YAP1: variants seen among roughly 807,000 people sequenced by gnomAD.
The protein encoded by YAP1 is transcriptional coactivator YAP1.
In YAP1, 5 loss-of-function variants were observed where a neutral mutation model predicts 56.9. That is an observed-to-expected ratio of 0.09 (90% CI 0.05 to 0.18). The LOEUF (loss-of-function observed/expected upper bound fraction) is 0.18, where lower values mean the gene tolerates loss of function less well. Among genes scored for constraint, YAP1 ranks in the 10% least tolerant of loss-of-function variants. The pLI is 1.00. For synonymous variants in YAP1, 265 were observed against 248.1 expected, an observed-to-expected ratio of 1.07 and a Z score of -0.64; for missense variants, 539 against 651.8, an observed-to-expected ratio of 0.83 and a Z score of 1.88.
At chr11:102,111,678 G>T (rs1942928999) in intron 1 of YAP1, among the ~76,000 whole-genome samples, 1 of 152,184 alleles carries the variant, frequency 6.6e-6, no homozygotes. Context: ...GTGAAGTTGA[G>T]CCCTGGGCCC....
chr11:102,155,694 A>G (rs570112084), intron 2 of YAP1, among the ~76,000 whole-genome samples: 1 of 152,300 alleles, frequency 6.6e-6, no homozygotes, highest in East Asian at 1.9e-4. Context: ...CCTTTGGGAA[A>G]TGTTTCCCTC....
intron 3 of YAP1, among the ~76,000 whole-genome samples, chr11:102,177,131 G>A: frequency 6.6e-6 from 1 of 152,190 alleles, no homozygotes; most frequent in East Asian, 1.9e-4. Flanking sequence ...GGAGCTGGGA[G>A]AGGAGATGTT....
chr11:102,112,589 C>G (rs1943022234), intron 1 of YAP1: 1 of 985,162 alleles, frequency 1.0e-6, no homozygotes, highest in African/African-American at 1.7e-5. Context: ...CATTCCCTCT[C>G]CTATTTGCAG....
intron 5 of YAP1, among the ~76,000 whole-genome samples, chr11:102,207,534 A>C (rs1474346228): frequency 6.6e-6 from 1 of 152,098 alleles, no homozygotes; most frequent in East Asian, 1.9e-4. Flanking sequence ...TCTTAAAAAA[A>C]AAAAAAGCTC....
intron 6 of YAP1, among the ~76,000 whole-genome samples, chr11:102,218,400 T>C (rs947750824): frequency 6.6e-6 from 1 of 152,266 alleles, no homozygotes; most frequent in Non-Finnish European, 1.5e-5. Context: ...TACACTGTTA[T>C]AACTGTGTTG....
At chr11:102,136,131 T>A (rs961058134) in intron 2 of YAP1, among the ~76,000 whole-genome samples, 2 of 152,318 alleles carry the variant, frequency 1.3e-5, no homozygotes, top group South Asian at 4.1e-4. Flanking sequence ...GTCTTCTGTG[T>A]TTATATTAGT....
At chr11:102,113,479 T>C (rs767284697) in intron 1 of YAP1, among the ~76,000 whole-genome samples, 18 of 152,200 alleles carry the variant, frequency 1.2e-4, no homozygotes, top group Non-Finnish European at 2.4e-4. Context: ...TGTGAGTTCT[T>C]AAGTTAAAAT....
At chr11:102,172,859 A>G (rs1946997443) in intron 3 of YAP1, among the ~76,000 whole-genome samples, 2 of 152,120 alleles carry the variant, frequency 1.3e-5, no homozygotes, top group Admixed American at 1.3e-4. Flanking sequence ...AGCCATGTGA[A>G]TATCTGGGGA....
chr11:102,205,863 G>A (rs1414791183), intron 4 of YAP1, 30 bp from the exon 5 acceptor site: 1 of 1,471,338 alleles, frequency 6.8e-7, no homozygotes, highest in Admixed American at 2.4e-5. Flanking sequence ...TAGTTTTTTA[G>A]GACAGATTTT....
At chr11:102,158,381 G>A (rs538567476) in intron 2 of YAP1, among the ~76,000 whole-genome samples, 4 of 152,204 alleles carry the variant, frequency 2.6e-5, no homozygotes, top group East Asian at 3.9e-4. Context: ...GGCATATGTC[G>A]TTCTTAAAAC....
At chr11:102,204,000 A>G (rs959182786) in intron 4 of YAP1, among the ~76,000 whole-genome samples, 4 of 152,060 alleles carry the variant, frequency 2.6e-5, no homozygotes, top group African/African-American at 9.7e-5. Flanking sequence ...AGCTGAGAAG[A>G]TTGGATTGAA....
At chr11:102,115,747 C>T (rs1565419072) in intron 2 of YAP1, among the ~76,000 whole-genome samples, 1 of 152,160 alleles carries the variant, frequency 6.6e-6, no homozygotes, top group Non-Finnish European at 1.5e-5. Context: ...TGTTCTCAAG[C>T]AGACATCCAA....
chr11:102,147,091 T>C (rs984141575), intron 2 of YAP1, among the ~76,000 whole-genome samples: 1 of 152,200 alleles, frequency 6.6e-6, no homozygotes, highest in Admixed American at 6.5e-5. Context: ...AAAGCTAGGG[T>C]ACAGTTCAGC....
chr11:102,120,224 C>T (rs750849003), intron 2 of YAP1, among the ~76,000 whole-genome samples: 1 of 152,212 alleles, frequency 6.6e-6, no homozygotes, highest in Non-Finnish European at 1.5e-5. Flanking sequence ...CTTTTATTTA[C>T]GTAGGGCTTG....
intron 2 of YAP1, among the ~76,000 whole-genome samples, chr11:102,134,982 G>A (rs1293291464): frequency 2.0e-5 from 3 of 152,146 alleles, no homozygotes; most frequent in Non-Finnish European, 4.4e-5. Flanking sequence ...TGGTTCAAGT[G>A]ATTCTCCTGC....
intron 3 of YAP1, among the ~76,000 whole-genome samples, chr11:102,172,122 G>A (rs1002337720): frequency 3.3e-5 from 5 of 151,508 alleles, no homozygotes; most frequent in African/African-American, 1.2e-4. Flanking sequence ...GAACCTGGGA[G>A]GCAGAAGTTG....
At chr11:102,181,742 T>A (rs1355659760) in intron 3 of YAP1, among the ~76,000 whole-genome samples, 1 of 152,226 alleles carries the variant, frequency 6.6e-6, no homozygotes, top group African/African-American at 2.4e-5. Flanking sequence ...AATGAATAGA[T>A]GTGGTTGTGT....
At chr11:102,226,074 C>G (rs1284706359) in intron 7 of YAP1, among the ~76,000 whole-genome samples, 1 of 152,200 alleles carries the variant, frequency 6.6e-6, no homozygotes, top group Non-Finnish European at 1.5e-5. Flanking sequence ...CAGTAATAGA[C>G]TAAAATGTCT....
rs1336915102 is a variant in YAP1 at position 102,230,471 on chromosome 11, T to C, written c.*531T>C. ...GATAGCTGAAACCAAGGCTGAAGAC[T>C]GTTTTACTTTCAGTATTTTCTTTTC... On this transcript the variant is annotated 3_prime_UTR_variant, in exon 9 of 9. Transcript: ENST00000282441. 6.5e-6 allele frequency: 1 copy of C among 153,568 alleles called. No homozygotes were observed. The highest frequency in any genetic ancestry group is 1.9e-4 in the East Asian group (1 of 5,222). The allele number at this position is 153,568 out of a possible 1,614,324, so 9.5% of individuals were successfully genotyped here.
Sources: allele counts gnomAD v4.1 joint callset (sites outside exome capture counted in the v4.1 genomes callset), GRCh38; gene constraint gnomAD v4.1.1; transcripts MANE v1.5; gene names NCBI Gene and HGNC (gene_info 2026-07-23, HGNC 2026-07-21).